Variants in MED26 observed in about 807,000 individuals in gnomAD.
The protein encoded by MED26 is mediator of RNA polymerase II transcription subunit 26.
Under a neutral mutation model 43.7 loss-of-function variants are expected in MED26, and 7 were observed. The ratio of observed to expected loss-of-function variants is 0.16; its 90% CI spans 0.09 to 0.30. The LOEUF is 0.30. MED26 is among the 10% of genes least tolerant of loss of function. The probability of loss-of-function intolerance (pLI) is 1.00; values close to 1 mark genes in which losing one functional copy is unlikely to be tolerated. For missense variants in MED26, 784 were observed against 840.6 expected (o/e 0.93, Z 0.83); for synonymous variants, 375 against 371.1 (o/e 1.01, Z -0.12).
intron 1 of MED26, among the ~76,000 whole-genome samples, chr19:16,598,336 C>CAAAAAA (rs35572400): frequency 1.6e-5 from 1 of 63,408 alleles, no homozygotes. Context: ...GATTCCATCT[C>CAAAAAA]AAAAAAAAAA....
In MED26 at chr19:16,576,274, T is replaced by G; in HGVS notation, c.1556A>C (p.Glu519Ala). 3 of 1,611,530 alleles carry G rather than the reference T, an allele frequency of 1.9e-6. No individual in the cohort carries two copies. The highest frequency in any genetic ancestry group is 2.5e-6 in the Non-Finnish European group (3 of 1,179,998). ...CTGCCTGGCCCCTTGCCGGGTGCTC[T>G]CCTCCTGCTTCAGGTACTCAGACAT... Reference protein sequence around the residue: ...HFMSEYLKQEESTRQGARQLH... With the variant: ...HFMSEYLKQEASTRQGARQLH... Residue 519 changes from glutamate to alanine, a missense_variant, in exon 3 of 3, where the codon GAG (glutamate) becomes GCG (alanine). Physicochemically the swap from Glu to Ala is moderately radical, Grantham distance 107 (BLOSUM62 -1). Coordinates refer to ENST00000263390, the MANE Select transcript of MED26 (RefSeq NM_004831.5). This position sits in a 1 kb window ranked among gnomAD's most constrained non-coding sequence, Gnocchi z 6.8.
At chr19:16,593,149 CAT>C (rs1362225610) in intron 1 of MED26, among the ~76,000 whole-genome samples, 1 of 152,236 alleles carries the variant, frequency 6.6e-6, no homozygotes, top group East Asian at 1.9e-4. Flanking sequence ...AGTGACATCT[CAT>C]AGACCCAACA....
At chr19:16,581,817 C>T (rs78094517) in intron 1 of MED26, among the ~76,000 whole-genome samples, 7,926 of 152,322 alleles carry the variant, frequency 0.052, 285 homozygotes, top group Non-Finnish European at 0.063. Context: ...CACGCTTAAG[C>T]GTGTGCAGAG....
chr19:16,593,145 A>G (rs995319706), intron 1 of MED26, among the ~76,000 whole-genome samples: 2 of 152,226 alleles, frequency 1.3e-5, no homozygotes, highest in African/African-American at 4.8e-5. Context: ...CCTCAGTGAC[A>G]TCTCATAGAC....
At chr19:16,585,258 C>T (rs2086065452) in intron 1 of MED26, among the ~76,000 whole-genome samples, 1 of 152,172 alleles carries the variant, frequency 6.6e-6, no homozygotes, top group Non-Finnish European at 1.5e-5. Context: ...GTCCTCACGC[C>T]TCTCTTCTAA....
intron 1 of MED26, among the ~76,000 whole-genome samples, chr19:16,607,171 GT>G (rs1161712271): frequency 6.6e-6 from 1 of 151,866 alleles, no homozygotes; most frequent in African/African-American, 2.4e-5. Flanking sequence ...GTGAGACCCT[GT>G]CTCTAAAAAA....
intron 1 of MED26, among the ~76,000 whole-genome samples, chr19:16,604,147 T>C (rs1004682534): frequency 1.3e-5 from 2 of 152,242 alleles, no homozygotes; most frequent in African/African-American, 2.4e-5. Flanking sequence ...AGGAGTGAGC[T>C]AGACCCATGT....
At chr19:16,581,848 C>T (rs1404604687) in intron 1 of MED26, among the ~76,000 whole-genome samples, 1 of 152,250 alleles carries the variant, frequency 6.6e-6, no homozygotes, top group Non-Finnish European at 1.5e-5. Flanking sequence ...CCTCTAGGAG[C>T]CCCAAGGGAA....
intron 1 of MED26, among the ~76,000 whole-genome samples, chr19:16,592,778 C>T (rs959415284): frequency 3.3e-5 from 5 of 152,166 alleles, no homozygotes; most frequent in Admixed American, 6.5e-5. Context: ...CGGGCTGGAC[C>T]GATGACCAGT....
chr19:16,578,331 T>G lies in MED26; in HGVS notation c.147+4A>C. On this transcript the variant is annotated splice_donor_region_variant and intron_variant, in intron 2 of 2. Coordinates refer to ENST00000263390, the MANE Select transcript of MED26 (RefSeq NM_004831.5). ...TCCCAAATGCTGGGGTCTGGGATAC[T>G]CACCTCAAGTGCCTCTTTGGTAATA... 1 of 1,613,874 alleles carries G rather than the reference T, an allele frequency of 6.2e-7. No individual in the cohort carries two copies. Among genetic ancestry groups the G allele is most frequent in the Non-Finnish European group, 8.5e-7 (1 of 1,179,790 alleles).
intron 1 of MED26, among the ~76,000 whole-genome samples, chr19:16,579,169 G>A (rs911803776): frequency 6.6e-6 from 1 of 152,182 alleles, no homozygotes; most frequent in Non-Finnish European, 1.5e-5. Flanking sequence ...AAAGAGAGCA[G>A]AAAGTCACAA....
At chr19:16,579,092 C>T (rs1350018118) in intron 1 of MED26, among the ~76,000 whole-genome samples, 1 of 152,034 alleles carries the variant, frequency 6.6e-6, no homozygotes, top group Non-Finnish European at 1.5e-5. Context: ...CAGAGCAAGA[C>T]TCCGTGTAAA....
At chr19:16,613,546 G>A (rs1410829832) in intron 1 of MED26, among the ~76,000 whole-genome samples, 1 of 152,166 alleles carries the variant, frequency 6.6e-6, no homozygotes, top group Non-Finnish European at 1.5e-5. Flanking sequence ...TGTCTAGGTG[G>A]CACTGGCTTC....
In MED26 at chr19:16,576,828, A is replaced by G; in HGVS notation, c.1002T>C (p.Ser334=). 1 of 1,609,830 alleles carries G rather than the reference A, an allele frequency of 6.2e-7. No homozygotes were observed. The highest frequency in any genetic ancestry group is 2.2e-5 in the East Asian group (1 of 44,768). Residue 334 remains serine, a synonymous_variant, in exon 3 of 3, where the codon AGT becomes AGC. Transcript: ENST00000263390. This position sits in a 1 kb window ranked among gnomAD's most constrained non-coding sequence, Gnocchi z 6.8. ...PPVRRLELLP[S]AESPVCWLEQ... ...CAAGCCAGCACACTGGGCTTTCCGC[A>G]CTGGGCAGCAGCTCGAGCCGCCGTA...
intron 1 of MED26, among the ~76,000 whole-genome samples, chr19:16,601,092 G>T (rs2086147079): frequency 6.6e-6 from 1 of 151,928 alleles, no homozygotes; most frequent in South Asian, 2.1e-4. Flanking sequence ...GCACAGAGAG[G>T]TCAGCTAATC....
intron 1 of MED26, among the ~76,000 whole-genome samples, chr19:16,622,201 G>C (rs533711940): frequency 1.3e-5 from 2 of 152,306 alleles, no homozygotes; most frequent in African/African-American, 4.8e-5. Context: ...GGGGAGAACT[G>C]TTCCATTTGG....
At chr19:16,607,557 T>C (rs969394075) in intron 1 of MED26, among the ~76,000 whole-genome samples, 1 of 152,092 alleles carries the variant, frequency 6.6e-6, no homozygotes, top group Non-Finnish European at 1.5e-5. Flanking sequence ...AGTTGAAGGC[T>C]TCCCTCACAA....
Position 16,577,500 on chromosome 19 carries a change from G to A in MED26, c.330C>T (p.Asn110=). ...ATGSANGGAH[N]CRPEVGAAGP... Reference sequence around the variant, plus strand: ...CAGCCGCCCCCACCTCCGGCCGGCAGTTGTGTGCGCCCCCGTTGGCAGAGC... The same window carrying A: ...CAGCCGCCCCCACCTCCGGCCGGCAATTGTGTGCGCCCCCGTTGGCAGAGC... The change falls in exon 3 of 3, where the codon AAC becomes AAT. Residue 110 remains asparagine, a synonymous_variant. Coordinates refer to ENST00000263390, the MANE Select transcript of MED26 (RefSeq NM_004831.5). This position sits in a 1 kb window ranked among gnomAD's most constrained non-coding sequence, Gnocchi z 8.1. 1.3e-6 allele frequency: 2 copies of A among 1,595,362 alleles called. No individual in the cohort carries two copies. The highest frequency in any genetic ancestry group is 1.7e-4 in the Middle Eastern group (1 of 5,888).
rs200593026 is a variant in MED26, at chr19:16,577,351, C to G, written c.479G>C (p.Gly160Ala). 1.9e-6 allele frequency: 3 copies of G among 1,611,556 alleles called. No homozygotes were observed. Among genetic ancestry groups the G allele is most frequent in the Non-Finnish European group, 2.5e-6 (3 of 1,179,136 alleles). The change falls in exon 3 of 3, where the codon GGG (glycine) becomes GCG (alanine). Residue 160 changes from glycine to alanine, a missense_variant. Coordinates refer to ENST00000263390, the MANE Select transcript of MED26 (RefSeq NM_004831.5). This position sits in a 1 kb window ranked among gnomAD's most constrained non-coding sequence, Gnocchi z 8.1. ...AGCTTTGGAGACCTTGGGTGGCGGCCCTGGGTGGCCGAGGTCACGCTGGTC... is the reference window on the plus strand; with the variant it reads ...AGCTTTGGAGACCTTGGGTGGCGGCGCTGGGTGGCCGAGGTCACGCTGGTC... ...RGDQRDLGHP[G>A]PPPKVSKASH... is the part of the protein sequence containing the mutation.
Sources: gnomAD v4.1 joint callset for allele counts (sites outside exome capture counted in the v4.1 genomes callset) on GRCh38, gnomAD v4.1.1 for gene constraint, Gnocchi (gnomAD v3.1) non-coding constraint, MANE v1.5 for transcripts, NCBI Gene and HGNC (gene_info 2026-07-23, HGNC 2026-07-21) for gene names.